CDH13: variants seen among roughly 807,000 people sequenced by gnomAD.
CDH13 encodes cadherin 13.
CDH13 carries 24 observed loss-of-function variants against 63.8 expected under a neutral mutation model. The observed-to-expected ratio is 0.38, with a 90% CI of 0.27 to 0.53. The LOEUF is 0.53. Ranked by LOEUF, CDH13 falls within the 20% of genes least tolerant of loss-of-function variation. The probability of loss-of-function intolerance (pLI) is 0.85; values close to 1 mark genes in which losing one functional copy is unlikely to be tolerated. For synonymous variants in CDH13, 503 were observed against 355.3 expected (o/e 1.42, Z -4.67); for missense variants, 1,049 against 903.1 (o/e 1.16, Z -2.07).
At chr16:82,860,070 C>G (rs959888150) in intron 2 of CDH13, among the ~76,000 whole-genome samples, 1 of 152,108 alleles carries the variant, frequency 6.6e-6, no homozygotes, top group Non-Finnish European at 1.5e-5. Context: ...TCAAACAGAA[C>G]TTGATTTGTG....
At chr16:83,113,021 C>G (rs181386422) in intron 3 of CDH13, among the ~76,000 whole-genome samples, 15 of 152,258 alleles carry the variant, frequency 9.9e-5, no homozygotes, top group African/African-American at 3.1e-4. Flanking sequence ...ACAAGGAACG[C>G]AAAAGCAGGG....
intron 4 of CDH13, among the ~76,000 whole-genome samples, chr16:83,132,974 C>A (rs1222849332): frequency 6.6e-6 from 1 of 152,190 alleles, no homozygotes; most frequent in African/African-American, 2.4e-5. Flanking sequence ...TATCCTTATT[C>A]CTTAGGAGCA....
chr16:82,879,321 C>T (rs1051088235), intron 2 of CDH13, among the ~76,000 whole-genome samples: 2 of 151,858 alleles, frequency 1.3e-5, no homozygotes, highest in South Asian at 2.1e-4. Context: ...GAGGCTGGTA[C>T]AGTCTCTGCT....
chr16:83,282,659 A>G (rs2089209206), intron 5 of CDH13, among the ~76,000 whole-genome samples: 1 of 152,254 alleles, frequency 6.6e-6, no homozygotes, highest in Non-Finnish European at 1.5e-5. Flanking sequence ...TAAATCAACA[A>G]GAAAGAGACA....
intron 7 of CDH13, among the ~76,000 whole-genome samples, chr16:83,544,965 T>C (rs1365908693): frequency 6.6e-6 from 1 of 152,238 alleles, no homozygotes; most frequent in Non-Finnish European, 1.5e-5. Flanking sequence ...AGGTATGATA[T>C]GTAATTCTCT....
chr16:83,404,850 A>G (rs1472904750), intron 6 of CDH13, among the ~76,000 whole-genome samples: 1 of 152,196 alleles, frequency 6.6e-6, no homozygotes, highest in Admixed American at 6.5e-5. Flanking sequence ...GACGCCGTGT[A>G]TATAGTTCTT....
chr16:83,508,732 C>G (rs1488986519), intron 7 of CDH13, among the ~76,000 whole-genome samples: 2 of 152,230 alleles, frequency 1.3e-5, no homozygotes, highest in Non-Finnish European at 2.9e-5. Context: ...TTCTGTCTCA[C>G]TTCTCTTTCT....
chr16:83,457,203 C>T (rs1042804032), intron 6 of CDH13, among the ~76,000 whole-genome samples: 1 of 152,176 alleles, frequency 6.6e-6, no homozygotes, highest in Non-Finnish European at 1.5e-5. Context: ...AATAAGAGCA[C>T]TGACACCTTA....
chr16:83,252,129 C>CACACACACACACACATAT (rs377101317), intron 5 of CDH13, among the ~76,000 whole-genome samples: 1 of 89,186 alleles, frequency 1.1e-5, no homozygotes, highest in African/African-American at 4.9e-5. Flanking sequence ...CACACACACA[C>CACACACACACACACATAT]ATATATATGT....
intron 7 of CDH13, among the ~76,000 whole-genome samples, chr16:83,566,434 T>G (rs540652648): frequency 6.6e-6 from 1 of 152,300 alleles, no homozygotes; most frequent in South Asian, 2.1e-4. Flanking sequence ...TAAATGACTG[T>G]GGGAAACCGA....
At chr16:82,952,524 G>A (rs1189750349) in intron 2 of CDH13, among the ~76,000 whole-genome samples, 19 of 152,254 alleles carry the variant, frequency 1.2e-4, no homozygotes, top group Middle Eastern at 3.4e-3. Context: ...AGTGCTTGTT[G>A]CTTTTCAAAA....
chr16:83,556,716 A>C (rs2075609905), intron 7 of CDH13, among the ~76,000 whole-genome samples: 1 of 152,198 alleles, frequency 6.6e-6, no homozygotes, highest in South Asian at 2.1e-4. Context: ...GTCACTTAGA[A>C]TCAATATTGG....
At chr16:83,681,197 C>T (rs558862010) in intron 10 of CDH13, among the ~76,000 whole-genome samples, 26 of 152,030 alleles carry the variant, frequency 1.7e-4, no homozygotes, top group Non-Finnish European at 3.1e-4. Context: ...CGAGGAAGTG[C>T]GGGAGGCTAG....
chr16:82,981,936 C>T (rs1253680226), intron 2 of CDH13, among the ~76,000 whole-genome samples: 4 of 152,128 alleles, frequency 2.6e-5, no homozygotes, highest in African/African-American at 9.7e-5. Context: ...GTATCCATGG[C>T]AAAACATTCA....
chr16:83,705,934 G>C (rs1386917801), intron 10 of CDH13, among the ~76,000 whole-genome samples: 4 of 152,082 alleles, frequency 2.6e-5, no homozygotes, highest in Admixed American at 6.5e-5. Flanking sequence ...CCTAGGGCTG[G>C]TTGCCTCTTT....
intron 1 of CDH13, among the ~76,000 whole-genome samples, chr16:82,672,325 A>G (rs10514553): frequency 0.047 from 7,122 of 152,250 alleles, 416 homozygotes; most frequent in East Asian, 0.3. Flanking sequence ...GATAGCTAGA[A>G]TTACTGAGCA....
intron 3 of CDH13, among the ~76,000 whole-genome samples, chr16:83,057,189 T>C (rs1029376627): frequency 2.0e-5 from 3 of 152,086 alleles, no homozygotes; most frequent in Admixed American, 2.0e-4. Context: ...ATGGTCTTGA[T>C]CTCCTGACCT....
chr16:83,443,034 G>A (rs2072527783), intron 6 of CDH13, among the ~76,000 whole-genome samples: 3 of 152,300 alleles, frequency 2.0e-5, no homozygotes, highest in Admixed American at 1.3e-4. Context: ...CAAAATACCA[G>A]CCACTCTGCA....
intron 2 of CDH13, among the ~76,000 whole-genome samples, chr16:82,900,139 C>A (rs1382013086): frequency 6.6e-6 from 1 of 152,164 alleles, no homozygotes; most frequent in African/African-American, 2.4e-5. Context: ...AGCTGCCATT[C>A]CCTCTGCCAA....
Sources: allele counts gnomAD v4.1 joint callset (sites outside exome capture counted in the v4.1 genomes callset), GRCh38; gene constraint gnomAD v4.1.1; transcripts MANE v1.5; gene names NCBI Gene and HGNC (gene_info 2026-07-23, HGNC 2026-07-21).